SPAG16: variants seen among roughly 807,000 people sequenced by gnomAD.
The protein encoded by SPAG16 is sperm associated antigen 16, also known as sperm-associated antigen 16 protein.
Under a neutral mutation model 80.4 loss-of-function variants are expected in SPAG16, and 86 were observed. The observed-to-expected ratio is 1.07, with a 90% CI of 0.90 to 1.28. The LOEUF (loss-of-function observed/expected upper bound fraction) is 1.28. Among genes scored for constraint, SPAG16 ranks in the 50% most tolerant of loss-of-function variants. The pLI is 0.00. For missense variants in SPAG16, 870 were observed against 765.3 expected, an observed-to-expected ratio of 1.14 and a Z score of -1.61; for synonymous variants, 294 against 265.9, an observed-to-expected ratio of 1.11 and a Z score of -1.03.
At chr2:213,984,196 T>C (rs866231872) in intron 12 of SPAG16, among the ~76,000 whole-genome samples, 1 of 152,130 alleles carries the variant, frequency 6.6e-6, no homozygotes. Context: ...AAAAGTCTAA[T>C]TGCTGATTAG....
chr2:214,108,677 G>T (rs1206946998), intron 14 of SPAG16, among the ~76,000 whole-genome samples: 1 of 152,034 alleles, frequency 6.6e-6, no homozygotes, highest in East Asian at 1.9e-4. Context: ...AGAAAACCTG[G>T]AGAAGAAAAA....
At chr2:213,841,781 T>A (rs2074375366) in intron 10 of SPAG16, among the ~76,000 whole-genome samples, 1 of 152,142 alleles carries the variant, frequency 6.6e-6, no homozygotes. Flanking sequence ...TAATAAATAC[T>A]GTATATCAAT....
chr2:213,443,772 G>A (rs981510145), intron 9 of SPAG16, among the ~76,000 whole-genome samples: 1 of 152,112 alleles, frequency 6.6e-6, no homozygotes, highest in African/African-American at 2.4e-5. Flanking sequence ...ATGTCTCAGT[G>A]CTTTAGGTGG....
chr2:213,425,328 G>T (rs2069843430), intron 9 of SPAG16, among the ~76,000 whole-genome samples: 1 of 151,062 alleles, frequency 6.6e-6, no homozygotes, highest in African/African-American at 2.4e-5. Context: ...TCCAAAAAAA[G>T]AATGTGTGGC....
At chr2:214,140,952 G>GGGGGGGGGGT (rs2055325993) in intron 14 of SPAG16, among the ~76,000 whole-genome samples, 1 of 88,206 alleles carries the variant, frequency 1.1e-5, no homozygotes, top group Admixed American at 1.2e-4. Flanking sequence ...GGGGGTGGGG[G>GGGGGGGGGGT]GTGGGGGGAT....
intron 13 of SPAG16, among the ~76,000 whole-genome samples, chr2:214,034,251 C>T (rs1039212252): frequency 6.6e-6 from 1 of 152,206 alleles, no homozygotes; most frequent in African/African-American, 2.4e-5. Context: ...ACTTTGATCA[C>T]TTGGTTATGG....
chr2:214,214,491 C>T (rs2058378810), intron 15 of SPAG16, among the ~76,000 whole-genome samples: 1 of 152,072 alleles, frequency 6.6e-6, no homozygotes, highest in Admixed American at 6.6e-5. Context: ...GAAAACTTCC[C>T]TTAATTCCTG....
At chr2:213,897,001 G>A (rs1224670126) in intron 11 of SPAG16, among the ~76,000 whole-genome samples, 1 of 152,082 alleles carries the variant, frequency 6.6e-6, no homozygotes, top group Non-Finnish European at 1.5e-5. Context: ...CCTAGTGATA[G>A]ATAGACTTGT....
chr2:214,109,623 T>C (rs991351994), intron 14 of SPAG16, among the ~76,000 whole-genome samples: 2 of 152,198 alleles, frequency 1.3e-5, no homozygotes, highest in Admixed American at 6.5e-5. Context: ...ATTGCTCCAA[T>C]TGAAATTGTG....
At chr2:214,094,596 G>C (rs965655323) in intron 13 of SPAG16, among the ~76,000 whole-genome samples, 4 of 151,986 alleles carry the variant, frequency 2.6e-5, no homozygotes, top group African/African-American at 9.7e-5. Flanking sequence ...ATTTATAATA[G>C]AGCAGAACTG....
At chr2:214,253,544 C>A (rs1045888937) in intron 15 of SPAG16, among the ~76,000 whole-genome samples, 9 of 152,272 alleles carry the variant, frequency 5.9e-5, no homozygotes, top group Non-Finnish European at 1.3e-4. Flanking sequence ...TTCCCAACAC[C>A]ATTTATTAAA....
At chr2:213,853,828 T>A (rs1436763578) in intron 10 of SPAG16, among the ~76,000 whole-genome samples, 2 of 152,216 alleles carry the variant, frequency 1.3e-5, no homozygotes, top group African/African-American at 4.8e-5. Flanking sequence ...TGGGATGACA[T>A]CTTTGAGGAT....
In SPAG16 at chr2:213,571,901, A is replaced by C. The variant is rs1377028785; in HGVS notation, c.1070+81811A>C. ...AATCAGACATAGATTTGGTCTTTTCACATAGTCCCATAGTTCTTGGAGGCT... is the reference window on the plus strand; with the variant it reads ...AATCAGACATAGATTTGGTCTTTTCCCATAGTCCCATAGTTCTTGGAGGCT... On this transcript the variant is annotated intron_variant, in intron 10 of 15. Transcript: ENST00000331683. Among the ~76,000 whole-genome samples, 15 of 138,520 alleles carry C rather than the reference A, an allele frequency of 1.1e-4. 2 individuals are homozygous for C. Among genetic ancestry groups the C allele is most frequent in the Non-Finnish European group, 1.6e-4 (11 of 66,832 alleles). The allele number at this position is 138,520 out of a possible 152,430, so 90.9% of individuals were successfully genotyped here.
intron 10 of SPAG16, among the ~76,000 whole-genome samples, chr2:213,860,446 T>C (rs1334439191): frequency 8.0e-6 from 1 of 125,682 alleles, no homozygotes; most frequent in African/African-American, 2.8e-5. Context: ...TTTATAGATA[T>C]ATGTATATAT....
At chr2:213,346,850 T>C (rs56189766) in intron 6 of SPAG16, among the ~76,000 whole-genome samples, 1 of 152,074 alleles carries the variant, frequency 6.6e-6, no homozygotes, top group South Asian at 2.1e-4. Context: ...TCTTTTTTTT[T>C]TTGTTGTGTC....
intron 14 of SPAG16, among the ~76,000 whole-genome samples, chr2:214,148,565 C>T (rs539767209): frequency 1.3e-5 from 2 of 152,138 alleles, no homozygotes; most frequent in Admixed American, 6.6e-5. Flanking sequence ...TCAACTTCAC[C>T]TGGTCCCTGT....
intron 15 of SPAG16, among the ~76,000 whole-genome samples, chr2:214,406,941 A>G (rs1702028524): frequency 6.6e-6 from 1 of 152,138 alleles, no homozygotes; most frequent in Non-Finnish European, 1.5e-5. Context: ...CAGTGTTGAT[A>G]TATACTGAGT....
At chr2:214,152,153 A>G (rs1456833434) in intron 15 of SPAG16, among the ~76,000 whole-genome samples, 1 of 144,992 alleles carries the variant, frequency 6.9e-6, no homozygotes, top group Non-Finnish European at 1.5e-5. Flanking sequence ...CTTAAATTTC[A>G]AATTTTGATG....
intron 10 of SPAG16, among the ~76,000 whole-genome samples, chr2:213,722,597 C>T (rs938348970): frequency 6.6e-6 from 1 of 152,080 alleles, no homozygotes; most frequent in African/African-American, 2.4e-5. Context: ...GGAATCAGTA[C>T]CTGCTGCTAA....
Sources: gnomAD v4.1 joint callset for allele counts (sites outside exome capture counted in the v4.1 genomes callset) on GRCh38, gnomAD v4.1.1 for gene constraint, MANE v1.5 for transcripts, NCBI Gene and HGNC (gene_info 2026-07-23, HGNC 2026-07-21) for gene names.